Variants in ZNF487 observed in about 807,000 individuals in gnomAD.
The protein encoded by ZNF487 is zinc finger protein 487.
In ZNF487, 4 loss-of-function variants were observed where a neutral mutation model predicts 3.0. The observed-to-expected ratio is 1.35, with a 90% CI of 0.66 to 3.08. The LOEUF is 3.08. Ranked by LOEUF, ZNF487 falls within the 30% of genes most tolerant of loss-of-function variation. The probability of loss-of-function intolerance (pLI) is 0.01; values close to 1 mark genes in which losing one functional copy is unlikely to be tolerated. For missense variants in ZNF487, 146 were observed against 98.7 expected, an observed-to-expected ratio of 1.48 and a Z score of -2.03; for synonymous variants, 55 against 34.6, an observed-to-expected ratio of 1.59 and a Z score of -2.06.
chr10:43,478,897 T>G (rs1841200715), intron 3 of ZNF487, among the ~76,000 whole-genome samples: 1 of 150,934 alleles, frequency 6.6e-6, no homozygotes, highest in South Asian at 2.1e-4. Context: ...GATGCAGTTC[T>G]TTTTTCTTTT....
rs554013499 is a variant in ZNF487, at chr10:43,482,508, T to A, written c.*586T>A. 1 of 479,866 alleles carries A rather than the reference T, an allele frequency of 2.1e-6. No individual in the cohort carries two copies. Among genetic ancestry groups the A allele is most frequent in the East Asian group, 6.4e-5 (1 of 15,538 alleles). 29.7% of individuals were successfully genotyped at this position (479,866 alleles called of 1,614,324 possible). On this transcript the variant is annotated 3_prime_UTR_variant, in exon 4 of 4. Coordinates refer to ENST00000437590, the MANE Select transcript of ZNF487 (RefSeq NM_001355444.3). Reference sequence around the variant, plus strand: ...GGACAAAACCTATGAATGTAATGAATGTGGAAAAAACTTCTGTGAGAAGTC... The same window carrying A: ...GGACAAAACCTATGAATGTAATGAAAGTGGAAAAAACTTCTGTGAGAAGTC...
the ZNF487 span, among the ~76,000 whole-genome samples, chr10:43,493,069 A>G: frequency 6.6e-6 from 1 of 152,042 alleles, no homozygotes; most frequent in African/African-American, 2.4e-5. Context: ...CGTCTCTACC[A>G]AAGATACAAA....
chr10:43,442,238 A>AAACAACAAC (rs750766065), intron 1 of ZNF487, among the ~76,000 whole-genome samples: 3 of 148,802 alleles, frequency 2.0e-5, no homozygotes, highest in Admixed American at 2.0e-4. Flanking sequence ...CCTGTCTCTA[A>AAACAACAAC]AACAACAACA....
At chr10:43,512,900 G>A in the ZNF487 span, among the ~76,000 whole-genome samples, 3 of 152,168 alleles carry the variant, frequency 2.0e-5, no homozygotes, top group South Asian at 6.2e-4. Context: ...GTCAAATGCA[G>A]CAACTTATTC....
chr10:43,457,248 G>C (rs1840240462), intron 1 of ZNF487, among the ~76,000 whole-genome samples: 1 of 150,908 alleles, frequency 6.6e-6, no homozygotes, highest in Non-Finnish European at 1.5e-5. Flanking sequence ...TCCATCTCCA[G>C]AAAACAAAAC....
the ZNF487 span, among the ~76,000 whole-genome samples, chr10:43,492,445 A>G: frequency 3.2e-5 from 2 of 61,580 alleles, no homozygotes; most frequent in South Asian, 1.1e-3. Flanking sequence ...TTATTTTATT[A>G]TTTTATTTTA....
the ZNF487 span, among the ~76,000 whole-genome samples, chr10:43,516,714 T>C: frequency 1.3e-5 from 2 of 152,230 alleles, no homozygotes; most frequent in Non-Finnish European, 2.9e-5. Context: ...CTAGTCATGC[T>C]GGCAGCTGAT....
At chr10:43,515,853 C>T in the ZNF487 span, among the ~76,000 whole-genome samples, 11 of 152,164 alleles carry the variant, frequency 7.2e-5, no homozygotes, top group African/African-American at 2.7e-4. Flanking sequence ...CGGCTCACTG[C>T]AACCTCTGCC....
intron 1 of ZNF487, among the ~76,000 whole-genome samples, chr10:43,467,911 C>G (rs1840765842): frequency 6.6e-6 from 1 of 152,008 alleles, no homozygotes; most frequent in Non-Finnish European, 1.5e-5. Context: ...AATTGAAAAC[C>G]TTCTGGAATG....
At chr10:43,453,674 A>G (rs994115730) in intron 1 of ZNF487, 3 of 152,228 alleles carry the variant, frequency 2.0e-5, no homozygotes, top group African/African-American at 7.2e-5. Flanking sequence ...GCAGTCACCA[A>G]CAGACAGAAG....
At chr10:43,449,441 G>A (rs1308721923) in intron 1 of ZNF487, among the ~76,000 whole-genome samples, 12 of 152,214 alleles carry the variant, frequency 7.9e-5, no homozygotes, top group Non-Finnish European at 1.0e-4. Context: ...TATTATTCAA[G>A]TCAACTCACT....
intron 1 of ZNF487, among the ~76,000 whole-genome samples, chr10:43,459,919 A>C (rs1229925732): frequency 1.3e-5 from 2 of 151,454 alleles, no homozygotes; most frequent in Non-Finnish European, 2.9e-5. Flanking sequence ...CTCCTGCCTC[A>C]GCCTCCCGAG....
At chr10:43,520,367 T>C in the ZNF487 span, among the ~76,000 whole-genome samples, 1 of 152,222 alleles carries the variant, frequency 6.6e-6, no homozygotes. Context: ...TAAGTAGACA[T>C]GCTAAGGTGA....
chr10:43,500,505 A>C, the ZNF487 span, among the ~76,000 whole-genome samples: 1 of 151,684 alleles, frequency 6.6e-6, no homozygotes. Flanking sequence ...CAAGGCCTTT[A>C]TTTTTAATTT....
intron 3 of ZNF487, among the ~76,000 whole-genome samples, chr10:43,478,317 G>T (rs1447732943): frequency 6.6e-6 from 1 of 152,182 alleles, no homozygotes; most frequent in African/African-American, 2.4e-5. Context: ...CACTTTGGAA[G>T]GCCAAGGCGT....
chr10:43,506,833 G>A, the ZNF487 span, among the ~76,000 whole-genome samples: 2 of 152,190 alleles, frequency 1.3e-5, no homozygotes, highest in East Asian at 3.9e-4. Context: ...CCCAAGGGTA[G>A]GAATTCCTTC....
At chr10:43,498,095 A>ATTTTTTTTT in the ZNF487 span, among the ~76,000 whole-genome samples, 1 of 12,624 alleles carries the variant, frequency 7.9e-5, no homozygotes, top group Admixed American at 1.3e-3. Flanking sequence ...ATATATATAT[A>ATTTTTTTTT]TATATTTTTT....
chr10:43,483,610 C>T (rs1049348981), downstream of ZNF487, among the ~76,000 whole-genome samples: 3 of 152,072 alleles, frequency 2.0e-5, no homozygotes, highest in South Asian at 4.2e-4. Context: ...TCACTGCAAC[C>T]TCCTCCTCCC....
the ZNF487 span, among the ~76,000 whole-genome samples, chr10:43,495,419 G>A: frequency 4.0e-5 from 6 of 151,882 alleles, no homozygotes; most frequent in African/African-American, 1.4e-4. Context: ...AATTTTTGTA[G>A]TTTTAGTAGA....
Sources: allele counts gnomAD v4.1 joint callset (sites outside exome capture counted in the v4.1 genomes callset), GRCh38; gene constraint gnomAD v4.1.1; transcripts MANE v1.5; gene names NCBI Gene and HGNC (gene_info 2026-07-23, HGNC 2026-07-21).